PTBP3: variants seen among roughly 807,000 people sequenced by gnomAD.
The protein encoded by PTBP3 is polypyrimidine tract binding protein 3.
In PTBP3, 20 loss-of-function variants were observed where a neutral mutation model predicts 58.7. That is an observed-to-expected ratio of 0.34 (90% confidence interval 0.24 to 0.50). PTBP3 has a LOEUF of 0.50. Among genes scored for constraint, PTBP3 ranks in the 20% least tolerant of loss-of-function variants. PTBP3 has a pLI of 0.98. For missense variants in PTBP3, 509 were observed against 637.2 expected (o/e 0.80, Z 2.17); for synonymous variants, 185 against 219.8 (o/e 0.84, Z 1.40).
intron 8 of PTBP3, among the ~76,000 whole-genome samples, chr9:112,233,109 C>G (rs896576298): frequency 3.3e-5 from 5 of 152,018 alleles, no homozygotes; most frequent in African/African-American, 1.2e-4. Context: ...AATTTTAAAA[C>G]TGTGCAGACC....
chr9:112,264,479 C>T (rs1268565521), intron 4 of PTBP3, among the ~76,000 whole-genome samples: 3 of 152,180 alleles, frequency 2.0e-5, no homozygotes, highest in African/African-American at 4.8e-5. Flanking sequence ...ACCTGACCTT[C>T]TGGCAAGTAC....
intron 1 of PTBP3, among the ~76,000 whole-genome samples, chr9:112,322,003 C>T (rs1829969541): frequency 1.3e-5 from 2 of 151,882 alleles, no homozygotes; most frequent in Non-Finnish European, 2.9e-5. Flanking sequence ...GGCATGGCAG[C>T]GTGTACCTGT....
chr9:112,361,704 G>A, the PTBP3 span, among the ~76,000 whole-genome samples: 3 of 152,188 alleles, frequency 2.0e-5, no homozygotes, highest in Admixed American at 6.5e-5. Flanking sequence ...ACCTGGTGGT[G>A]ACTCTAAACA....
intron 5 of PTBP3, among the ~76,000 whole-genome samples, chr9:112,255,953 T>C (rs763407941): frequency 1.3e-5 from 2 of 152,064 alleles, no homozygotes; most frequent in African/African-American, 4.8e-5. Context: ...TATTTCTTGG[T>C]TTTATATAAA....
chr9:112,310,210 A>C (rs373194020), intron 1 of PTBP3, among the ~76,000 whole-genome samples: 13 of 152,356 alleles, frequency 8.5e-5, no homozygotes, highest in East Asian at 5.8e-4. Context: ...AAATTTTTTC[A>C]ATGAGCAGCT....
the PTBP3 span, among the ~76,000 whole-genome samples, chr9:112,372,658 T>C: frequency 1.3e-5 from 2 of 152,310 alleles, no homozygotes; most frequent in East Asian, 3.9e-4. Flanking sequence ...AATGGAATCA[T>C]AAAATAGGTG....
chr9:112,269,515 GAACTAGCATGATATGGTAGA>G (rs1589846209), intron 3 of PTBP3, among the ~76,000 whole-genome samples: 1 of 152,218 alleles, frequency 6.6e-6, no homozygotes, highest in East Asian at 1.9e-4. Context: ...CAAGAAATGA[GAACTAGCATGATATGGTAGA>G]AAGGGAACTT....
intron 2 of PTBP3, among the ~76,000 whole-genome samples, chr9:112,292,535 T>C (rs1828482965): frequency 6.6e-6 from 1 of 152,178 alleles, no homozygotes; most frequent in Admixed American, 6.5e-5. Context: ...GCAACCTAAA[T>C]GCCCATGGAC....
intron 1 of PTBP3, among the ~76,000 whole-genome samples, chr9:112,308,518 T>C (rs963297912): frequency 6.6e-6 from 1 of 152,088 alleles, no homozygotes; most frequent in African/African-American, 2.4e-5. Context: ...CAAATGCAAT[T>C]TTCCGTAAGG....
At chr9:112,250,197 C>A (rs937392822) in intron 7 of PTBP3, among the ~76,000 whole-genome samples, 1 of 151,902 alleles carries the variant, frequency 6.6e-6, no homozygotes, top group African/African-American at 2.4e-5. Context: ...CAATATTTTA[C>A]GGTGTTATTT....
At chr9:112,317,878 G>A (rs1314215270) in intron 1 of PTBP3, among the ~76,000 whole-genome samples, 2 of 151,512 alleles carry the variant, frequency 1.3e-5, no homozygotes, top group Non-Finnish European at 2.9e-5. Flanking sequence ...GTGAGTCGGA[G>A]GTTGCAGTGA....
chr9:112,287,344 T>TC (rs961471842), intron 2 of PTBP3, among the ~76,000 whole-genome samples: 2 of 142,762 alleles, frequency 1.4e-5, no homozygotes, highest in Non-Finnish European at 3.0e-5. Flanking sequence ...GTTTTTTGTT[T>TC]TTTTTTTTTT....
chr9:112,302,674 C>A (rs904225954), intron 1 of PTBP3, among the ~76,000 whole-genome samples: 1 of 145,462 alleles, frequency 6.9e-6, no homozygotes, highest in African/African-American at 2.5e-5. Context: ...CTGCAACCTC[C>A]GCCTCCCAGG....
the PTBP3 span, chr9:112,379,878 C>T: frequency 1.8e-5 from 10 of 549,668 alleles, no homozygotes; most frequent in Admixed American, 2.1e-4. Context: ...CACCGTACGA[C>T]CAGTGAGGGG....
intron 1 of PTBP3, among the ~76,000 whole-genome samples, chr9:112,319,374 C>G (rs773127550): frequency 2.6e-5 from 4 of 151,852 alleles, no homozygotes; most frequent in Non-Finnish European, 2.9e-5. Flanking sequence ...TGCGACTTTA[C>G]AAAAATAAAA....
chr9:112,298,164 C>T (rs539791406), intron 1 of PTBP3, among the ~76,000 whole-genome samples: 43 of 152,282 alleles, frequency 2.8e-4, no homozygotes, highest in South Asian at 1.0e-3. Flanking sequence ...TCTAACCAAA[C>T]GCAGGTTTCC....
At chr9:112,301,651 T>C (rs924044358) in intron 1 of PTBP3, among the ~76,000 whole-genome samples, 5 of 152,172 alleles carry the variant, frequency 3.3e-5, no homozygotes, top group Admixed American at 2.6e-4. Flanking sequence ...AGGAGATCTT[T>C]GTGGTGATGG....
At chr9:112,356,739 G>C in the PTBP3 span, among the ~76,000 whole-genome samples, 1 of 151,534 alleles carries the variant, frequency 6.6e-6, no homozygotes, top group African/African-American at 2.4e-5. Flanking sequence ...TGGAGCAGTG[G>C]GATTGTCAGA....
At chr9:112,312,478 T>G (rs1038978455) in intron 1 of PTBP3, among the ~76,000 whole-genome samples, 2 of 87,936 alleles carry the variant, frequency 2.3e-5, no homozygotes, top group South Asian at 4.9e-4. Context: ...GAGACCTTGT[T>G]TTTTTTTTTG....
Sources: gnomAD v4.1 joint callset for allele counts (sites outside exome capture counted in the v4.1 genomes callset) on GRCh38, gnomAD v4.1.1 for gene constraint, MANE v1.5 for transcripts, NCBI Gene and HGNC (gene_info 2026-07-23, HGNC 2026-07-21) for gene names.